DNAH5: variants seen among roughly 807,000 people sequenced by gnomAD.
DNAH5 encodes dynein axonemal heavy chain 5.
A neutral mutation model predicts 518.2 loss-of-function variants in DNAH5; 372 were observed. The ratio of observed to expected loss-of-function variants is 0.72; its 90% confidence interval spans 0.66 to 0.78. DNAH5 has a LOEUF of 0.78. Among genes scored for constraint, DNAH5 ranks in the 30% least tolerant of loss-of-function variants. DNAH5 has a pLI of 0.00. For missense variants in DNAH5, 5,523 were observed against 5,687.0 expected (o/e 0.97, Z 0.93); for synonymous variants, 2,039 against 2,025.9 (o/e 1.01, Z -0.17).
At position 13,820,317 on chromosome 5, in the gene DNAH5, C is replaced by T. The variant is rs181434521; in HGVS notation, c.6841+29G>A. 965 of 1,603,648 alleles carry T rather than the reference C, an allele frequency of 6.0e-4. 3 individuals carry two copies. Among genetic ancestry groups the T allele is most frequent in the Non-Finnish European group, 5.4e-4 (640 of 1,179,908 alleles). On this transcript the variant is annotated intron_variant, in intron 41 of 78. Transcript: ENST00000265104. ...GGTCACCACTACTTAAATGGGCCAC[C>T]CCAGGCATTGACCTTGGCTGCCCTG...
chr5:13,759,390 C>G (rs1339384419), intron 60 of DNAH5, among the ~76,000 whole-genome samples: 1 of 152,154 alleles, frequency 6.6e-6, no homozygotes, highest in African/African-American at 2.4e-5. Flanking sequence ...GATCAGAACA[C>G]TGTAATATTA....
chr5:13,919,561 A>C (rs1777033079), intron 6 of DNAH5, among the ~76,000 whole-genome samples: 1 of 152,232 alleles, frequency 6.6e-6, no homozygotes, highest in South Asian at 2.1e-4. Context: ...GTTTTAACTG[A>C]AAACAACTTA....
intron 50 of DNAH5, among the ~76,000 whole-genome samples, chr5:13,790,971 T>A (rs2126893262): frequency 6.6e-6 from 1 of 152,260 alleles, no homozygotes; most frequent in Admixed American, 6.5e-5. Context: ...TATTGGGTAC[T>A]GGGATTAATA....
intron 1 of DNAH5, among the ~76,000 whole-genome samples, chr5:13,999,812 A>G (rs1237910767): frequency 1.3e-4 from 20 of 152,238 alleles, no homozygotes; most frequent in Non-Finnish European, 2.9e-4. Context: ...TTCTACCAAC[A>G]GCATGCAAGG....
At position 13,844,932 on chromosome 5, in the gene DNAH5, G is replaced by C. The variant is rs757875587; in HGVS notation, c.5176C>G (p.Leu1726Val). 1 of 1,614,140 alleles carries C rather than the reference G, an allele frequency of 6.2e-7. No individual in the cohort carries two copies. The highest frequency in any genetic ancestry group is 2.2e-5 in the East Asian group (1 of 44,884). ...TCCGACGCCTGCCCCAGAATCTCTA[G>C]AAGGGCAGGATCTGAGACGAAGAAA... Reference protein sequence around the residue: ...RFFFVSDPALLEILGQASDSH... With the variant: ...RFFFVSDPALVEILGQASDSH... The change falls in exon 32 of 79, where the codon CTA (leucine) becomes GTA (valine). Residue 1726 changes from leucine (L) to valine (V), a missense_variant. Leu to Val is a conservative substitution (Grantham distance 32, BLOSUM62 1). Transcript: ENST00000265104.
intron 40 of DNAH5, among the ~76,000 whole-genome samples, 160 bp from the exon 41 acceptor site, chr5:13,820,659 C>A (rs1283728905): frequency 1.3e-5 from 2 of 151,864 alleles, no homozygotes; most frequent in Non-Finnish European, 2.9e-5. Flanking sequence ...CCCGTCTCTA[C>A]TAAAAAAATA....
chr5:13,800,696 T>C (rs893000426), intron 47 of DNAH5, among the ~76,000 whole-genome samples: 6 of 152,190 alleles, frequency 3.9e-5, no homozygotes, highest in African/African-American at 7.2e-5. Context: ...TTTGTAATTT[T>C]ACCTAGAATT....
At chr5:13,781,659 G>A (rs1311002487) in intron 52 of DNAH5, among the ~76,000 whole-genome samples, 16 of 151,814 alleles carry the variant, frequency 1.1e-4, no homozygotes, top group Non-Finnish European at 8.8e-5. Flanking sequence ...TCTTGCCGCC[G>A]CCATGTAAGA....
chr5:13,986,754 A>T (rs924143554), intron 1 of DNAH5, among the ~76,000 whole-genome samples: 6 of 152,100 alleles, frequency 3.9e-5, no homozygotes, highest in African/African-American at 1.4e-4. Context: ...CATTTTTTGC[A>T]AGCAAAAGAA....
intron 1 of DNAH5, among the ~76,000 whole-genome samples, chr5:13,956,471 G>T (rs953753170): frequency 1.3e-5 from 2 of 152,080 alleles, no homozygotes; most frequent in African/African-American, 4.8e-5. Context: ...CCTTTTTCAT[G>T]CCATTGTTGT....
chr5:13,996,204 A>G (rs1236174591), intron 1 of DNAH5, among the ~76,000 whole-genome samples: 2 of 152,148 alleles, frequency 1.3e-5, no homozygotes. Context: ...TCCACAGGGT[A>G]GTTTCGCTTC....
At chr5:13,721,576 C>T (rs533065006) in intron 70 of DNAH5, among the ~76,000 whole-genome samples, 1 of 152,152 alleles carries the variant, frequency 6.6e-6, no homozygotes, top group African/African-American at 2.4e-5. Context: ...TTAGGATGCT[C>T]TAAGGCAAAT....
intron 70 of DNAH5, among the ~76,000 whole-genome samples, chr5:13,724,898 C>G (rs746471094): frequency 5.3e-5 from 8 of 152,252 alleles, no homozygotes; most frequent in Non-Finnish European, 1.2e-4. Context: ...CCTGTACAAC[C>G]TGCAGAACCA....
intron 1 of DNAH5, among the ~76,000 whole-genome samples, chr5:13,989,547 G>C (rs901852767): frequency 4.0e-5 from 6 of 148,254 alleles, no homozygotes. Context: ...GCAGTGGCGC[G>C]ATCTCGGCTC....
chr5:13,996,725 C>T (rs1463206249), intron 1 of DNAH5, among the ~76,000 whole-genome samples: 2 of 152,256 alleles, frequency 1.3e-5, no homozygotes, highest in African/African-American at 4.8e-5. Context: ...GGCCCCATGG[C>T]TTTGCTGGGC....
rs970534257 is a variant in DNAH5, at chr5:13,721,425, T to C, written c.12034-180A>G. On this transcript the variant is annotated intron_variant, in intron 70 of 78. Coordinates refer to ENST00000265104, the MANE Select transcript of DNAH5 (RefSeq NM_001369.3). Reference sequence around the variant, plus strand: ...TTTGTTTATATCTCCATTCTATAGGTGGGAAAACTGTGTTGCTTACCCAGT... The same window carrying C: ...TTTGTTTATATCTCCATTCTATAGGCGGGAAAACTGTGTTGCTTACCCAGT... 7.2e-5 allele frequency among the ~76,000 whole-genome samples: 11 copies of C among 152,264 alleles called. No homozygotes were observed. In the South Asian group the frequency reaches 1.9e-3, roughly 26 times the overall value.
chr5:13,922,923 C>CAA (rs371665061), intron 4 of DNAH5, among the ~76,000 whole-genome samples: 2 of 137,158 alleles, frequency 1.5e-5, no homozygotes, highest in Non-Finnish European at 1.6e-5. Flanking sequence ...TTACTTTGCA[C>CAA]AAAAAAAAAA....
intron 15 of DNAH5, among the ~76,000 whole-genome samples, chr5:13,896,161 A>G (rs1773897205): frequency 6.6e-6 from 1 of 152,048 alleles, no homozygotes; most frequent in Admixed American, 6.5e-5. Context: ...GATCCTTTCA[A>G]AATGAGAATT....
At chr5:13,850,960 A>G (rs1306210905) in intron 30 of DNAH5, 145 bp from the exon 31 acceptor site, 3 of 836,102 alleles carry the variant, frequency 3.6e-6, no homozygotes, top group African/African-American at 3.3e-5. Flanking sequence ...CACACATTTT[A>G]TTGAAGTTCT....
Sources: allele counts gnomAD v4.1 joint callset (sites outside exome capture counted in the v4.1 genomes callset), GRCh38; gene constraint gnomAD v4.1.1; transcripts MANE v1.5; gene names NCBI Gene and HGNC (gene_info 2026-07-23, HGNC 2026-07-21).